The following HTR1F variants were observed in gnomAD, a reference collection of about 807,000 sequenced individuals.
The protein encoded by HTR1F is 5-hydroxytryptamine (serotonin) receptor 1F, G protein-coupled.
In HTR1F, 17 loss-of-function variants were observed where a neutral mutation model predicts 24.0. That is an observed-to-expected ratio of 0.71 (90% CI 0.48 to 1.06). HTR1F has a LOEUF of 1.06. Among genes scored for constraint, HTR1F ranks in the 50% least tolerant of loss-of-function variants. The probability of loss-of-function intolerance (pLI) is 0.00; values close to 1 mark genes in which losing one functional copy is unlikely to be tolerated. For synonymous variants in HTR1F, 186 were observed against 156.8 expected (o/e 1.19, Z -1.39); for missense variants, 391 against 427.8 (o/e 0.91, Z 0.76).
intron 2 of HTR1F, among the ~76,000 whole-genome samples, chr3:87,846,338 G>T (rs1470065067): frequency 6.6e-6 from 1 of 151,762 alleles, no homozygotes; most frequent in Non-Finnish European, 1.5e-5. Flanking sequence ...GGAGGCTGAG[G>T]CAGCAGAATC....
chr3:87,855,645 G>A (rs529516962), intron 2 of HTR1F, among the ~76,000 whole-genome samples: 70 of 152,018 alleles, frequency 4.6e-4, no homozygotes, highest in African/African-American at 1.0e-3. Flanking sequence ...TGCAGTTTTC[G>A]TTGTGCCTGG....
intron 2 of HTR1F, among the ~76,000 whole-genome samples, chr3:87,918,864 G>GA (rs1414146863): frequency 2.6e-5 from 4 of 151,760 alleles, no homozygotes; most frequent in African/African-American, 7.3e-5. Flanking sequence ...CACAGAATTA[G>GA]AAAAAAACAA....
intron 2 of HTR1F, among the ~76,000 whole-genome samples, chr3:87,951,508 A>G (rs1056635994): frequency 3.1e-4 from 47 of 152,246 alleles, no homozygotes; most frequent in African/African-American, 1.1e-3. Context: ...TTATTTTTAG[A>G]GCAGTTTTAG....
chr3:87,960,819 A>G (rs1024163763), intron 2 of HTR1F, among the ~76,000 whole-genome samples: 3 of 151,948 alleles, frequency 2.0e-5, no homozygotes, highest in Non-Finnish European at 4.4e-5. Context: ...GAAATCTGTC[A>G]TGTTTGATGC....
At chr3:87,796,094 G>A (rs1703899646) in intron 1 of HTR1F, among the ~76,000 whole-genome samples, 1 of 152,122 alleles carries the variant, frequency 6.6e-6, no homozygotes. Flanking sequence ...AGACAAGAAG[G>A]GAAGCAAGAA....
At chr3:87,896,267 C>T (rs956278426) in intron 2 of HTR1F, among the ~76,000 whole-genome samples, 6 of 152,142 alleles carry the variant, frequency 3.9e-5, no homozygotes, top group African/African-American at 1.4e-4. Context: ...CAGCCTGGGC[C>T]TCCTTCTGAA....
intron 2 of HTR1F, among the ~76,000 whole-genome samples, chr3:87,970,908 T>C (rs960517381): frequency 3.0e-4 from 45 of 152,226 alleles, no homozygotes; most frequent in African/African-American, 1.1e-3. Context: ...TATAGATTGA[T>C]GCCTATTCAA....
At chr3:87,937,450 T>C (rs942055185) in intron 2 of HTR1F, among the ~76,000 whole-genome samples, 1 of 152,120 alleles carries the variant, frequency 6.6e-6, no homozygotes, top group Non-Finnish European at 1.5e-5. Flanking sequence ...AAACTGGGTA[T>C]TGAAGGAACA....
chr3:87,886,684 T>A (rs907546008), intron 2 of HTR1F, among the ~76,000 whole-genome samples: 6 of 152,022 alleles, frequency 3.9e-5, no homozygotes, highest in African/African-American at 1.4e-4. Flanking sequence ...CAAGCATTCG[T>A]CTACACCAAT....
intron 2 of HTR1F, among the ~76,000 whole-genome samples, chr3:87,823,018 G>C (rs565736886): frequency 1.3e-5 from 2 of 151,870 alleles, no homozygotes; most frequent in African/African-American, 4.8e-5. Flanking sequence ...AAAATTTTAA[G>C]TTTTATATAA....
chr3:87,922,174 T>G (rs975178054), intron 2 of HTR1F, among the ~76,000 whole-genome samples: 31 of 151,962 alleles, frequency 2.0e-4, no homozygotes, highest in African/African-American at 7.5e-4. Context: ...TTTCTCTCCA[T>G]CCTACTTAGA....
chr3:87,907,913 C>T (rs1293063952), intron 2 of HTR1F, among the ~76,000 whole-genome samples: 2 of 151,898 alleles, frequency 1.3e-5, no homozygotes, highest in Admixed American at 6.6e-5. Context: ...TGTTGGAATA[C>T]AAATTAGTAT....
intron 1 of HTR1F, among the ~76,000 whole-genome samples, chr3:87,807,839 A>C (rs1704098281): frequency 6.6e-6 from 1 of 151,924 alleles, no homozygotes; most frequent in East Asian, 1.9e-4. Context: ...AAGGATGATG[A>C]ATTTTATTAA....
intron 2 of HTR1F, among the ~76,000 whole-genome samples, chr3:87,897,398 T>A (rs560730010): frequency 3.2e-4 from 49 of 151,714 alleles, no homozygotes; most frequent in African/African-American, 1.2e-3. Flanking sequence ...AAAAAAAAGG[T>A]CAAATATACT....
At chr3:87,919,334 A>T (rs1252817406) in intron 2 of HTR1F, among the ~76,000 whole-genome samples, 1 of 151,820 alleles carries the variant, frequency 6.6e-6, no homozygotes, top group African/African-American at 2.4e-5. Flanking sequence ...ATGACCAAGA[A>T]CCCAAAAGCA....
chr3:87,953,855 T>C (rs1704887029), intron 2 of HTR1F, among the ~76,000 whole-genome samples: 1 of 151,766 alleles, frequency 6.6e-6, no homozygotes, highest in Non-Finnish European at 1.5e-5. Flanking sequence ...TATTCAGTCA[T>C]TAAAAGAAGG....
intron 2 of HTR1F, among the ~76,000 whole-genome samples, chr3:87,921,685 A>AT (rs1274531912): frequency 6.6e-6 from 1 of 151,782 alleles, no homozygotes; most frequent in Admixed American, 6.6e-5. Flanking sequence ...ATCTAGCTGT[A>AT]TTTTTTTATT....
chr3:87,928,861 G>A (rs565446604), intron 2 of HTR1F, among the ~76,000 whole-genome samples: 3 of 152,152 alleles, frequency 2.0e-5, no homozygotes, highest in Non-Finnish European at 2.9e-5. Flanking sequence ...CAACATTTCA[G>A]TTCCAGTGTA....
rs1705716577 is a variant in HTR1F at position 87,878,398 on chromosome 3, A to C, written c.-43+56274A>C. ...CATTTTATGTATGTGTGAAATGTCC[A>C]ATTGAAACAGAAATATCGATAAAAA... On this transcript the variant is annotated intron_variant, in intron 2 of 2. Transcript: ENST00000319595. Among the ~76,000 whole-genome samples, 3 of 152,222 alleles carry C rather than the reference A, an allele frequency of 2.0e-5. No individual in the cohort carries two copies. In the South Asian group the frequency reaches 6.2e-4, roughly 32 times the overall value.
Sources: gnomAD v4.1 joint callset for allele counts (sites outside exome capture counted in the v4.1 genomes callset) on GRCh38, gnomAD v4.1.1 for gene constraint, MANE v1.5 for transcripts, NCBI Gene and HGNC (gene_info 2026-07-23, HGNC 2026-07-21) for gene names.